The following TOX3 variants were observed in gnomAD, a reference collection of about 807,000 sequenced individuals.
The protein encoded by TOX3 is TOX high mobility group box family member 3, also known as CAG trinucleotide repeat-containing gene F9 protein.
A neutral mutation model predicts 64.3 loss-of-function variants in TOX3; 22 were observed. That is an observed-to-expected ratio of 0.34 (90% confidence interval 0.24 to 0.49). The LOEUF (loss-of-function observed/expected upper bound fraction) is 0.49. TOX3 is among the 20% of genes least tolerant of loss of function. The pLI is 0.99. For synonymous variants in TOX3, 291 were observed against 273.6 expected (o/e 1.06, Z -0.63); for missense variants, 661 against 714.4 (o/e 0.93, Z 0.85).
intron 3 of TOX3, among the ~76,000 whole-genome samples, chr16:52,456,755 C>G (rs949902798): frequency 2.0e-5 from 3 of 152,272 alleles, no homozygotes; most frequent in Admixed American, 1.3e-4. Flanking sequence ...AAATTAAAAT[C>G]ACTCATGGCC....
intron 1 of TOX3, among the ~76,000 whole-genome samples, chr16:52,507,235 A>G (rs774965128): frequency 1.3e-5 from 2 of 152,232 alleles, no homozygotes; most frequent in Non-Finnish European, 2.9e-5. Flanking sequence ...GTATCACAGC[A>G]AACAAGGAGA....
At chr16:52,505,999 A>G (rs1271417062) in intron 1 of TOX3, among the ~76,000 whole-genome samples, 1 of 152,140 alleles carries the variant, frequency 6.6e-6, no homozygotes, top group African/African-American at 2.4e-5. Context: ...AATTTCTCGG[A>G]AAGTCTTAAT....
chr16:52,451,325 A>G (rs1248859307), intron 3 of TOX3, among the ~76,000 whole-genome samples: 3 of 152,178 alleles, frequency 2.0e-5, no homozygotes, highest in Non-Finnish European at 4.4e-5. Context: ...ATAAATACGT[A>G]AAAAAAGATG....
intron 1 of TOX3, among the ~76,000 whole-genome samples, chr16:52,520,745 A>T (rs879796541): frequency 6.6e-6 from 1 of 152,206 alleles, no homozygotes; most frequent in Non-Finnish European, 1.5e-5. Flanking sequence ...AAAGATAAAT[A>T]CAGGAAAAAA....
chr16:52,523,652 T>C (rs1962662150), intron 1 of TOX3, among the ~76,000 whole-genome samples: 1 of 152,160 alleles, frequency 6.6e-6, no homozygotes. Context: ...AGTTTATTTA[T>C]GGGGATTTAT....
rs892204132 is a variant in TOX3, at chr16:52,439,734, G to C, written c.1222C>G (p.Pro408Ala). 1.2e-6 allele frequency: 2 copies of C among 1,613,982 alleles called. No homozygotes were observed. Among genetic ancestry groups the C allele is most frequent in the Admixed American group, 1.7e-5 (1 of 60,024 alleles). The change falls in exon 7 of 7, where the codon CCC becomes GCC. Residue 408 changes from proline to alanine, a missense_variant. Physicochemically the swap from Pro to Ala is conservative, Grantham distance 27. Transcript: ENST00000219746. Reference protein sequence around the residue: ...VTSVTIAANMPSNIGAPLISS... With the variant: ...VTSVTIAANMASNIGAPLISS... The stretch of plus-strand genomic sequence containing the variant: ...ATCAGTGGAGCCCCAATGTTCGAGG[G>C]CATGTTGGCTGCAATGGTGACTGAT...
At chr16:52,529,596 G>A (rs1052918992) in intron 1 of TOX3, among the ~76,000 whole-genome samples, 1 of 152,206 alleles carries the variant, frequency 6.6e-6, no homozygotes, top group Non-Finnish European at 1.5e-5. Flanking sequence ...TAGATGGCCA[G>A]CACACAGGAA....
At chr16:52,531,821 C>G (rs941137040) in intron 1 of TOX3, among the ~76,000 whole-genome samples, 2 of 152,012 alleles carry the variant, frequency 1.3e-5, no homozygotes, top group African/African-American at 4.8e-5. Flanking sequence ...GAAAAGATGA[C>G]AAGCAGGGAG....
intron 1 of TOX3, among the ~76,000 whole-genome samples, chr16:52,498,121 A>C (rs1218035837): frequency 6.6e-6 from 1 of 152,206 alleles, no homozygotes; most frequent in Admixed American, 6.5e-5. Context: ...AGCTGCTCTC[A>C]ATGTATATGA....
At chr16:52,449,207 A>G (rs377445010) in intron 4 of TOX3, among the ~76,000 whole-genome samples, 2 of 152,314 alleles carry the variant, frequency 1.3e-5, no homozygotes, top group East Asian at 3.9e-4. Context: ...TACTTATGCC[A>G]TTCCTCGATG....
intron 3 of TOX3, among the ~76,000 whole-genome samples, chr16:52,462,944 T>C (rs1596792556): frequency 6.6e-6 from 1 of 151,968 alleles, no homozygotes; most frequent in South Asian, 2.1e-4. Flanking sequence ...GGGAAAGCAA[T>C]CTTATATTTC....
chr16:52,440,749 TTTC>T (rs200321293), intron 6 of TOX3, among the ~76,000 whole-genome samples: 11,007 of 121,474 alleles, frequency 0.091, 1,676 homozygotes, highest in East Asian at 0.17. Flanking sequence ...TTTTTCTTTC[TTTC>T]TTTTTTTTTT....
intron 1 of TOX3, among the ~76,000 whole-genome samples, chr16:52,485,853 G>A (rs45469593): frequency 1.3e-5 from 2 of 152,094 alleles, no homozygotes; most frequent in Non-Finnish European, 2.9e-5. Flanking sequence ...TGTTTTCCCT[G>A]GACTTGATGA....
At chr16:52,479,744 C>T (rs1314854907) in intron 1 of TOX3, among the ~76,000 whole-genome samples, 2 of 152,176 alleles carry the variant, frequency 1.3e-5, no homozygotes, top group East Asian at 3.9e-4. Flanking sequence ...GCTTCTATTA[C>T]TAGCAGTATC....
intron 1 of TOX3, among the ~76,000 whole-genome samples, chr16:52,487,314 A>AG (rs1306593453): frequency 6.6e-6 from 1 of 151,600 alleles, no homozygotes; most frequent in East Asian, 1.9e-4. Context: ...GGAAAAAAAA[A>AG]AAAGAAAGAG....
chr16:52,506,595 C>T (rs1403020483), intron 1 of TOX3, among the ~76,000 whole-genome samples: 1 of 152,010 alleles, frequency 6.6e-6, no homozygotes, highest in African/African-American at 2.4e-5. Context: ...GGAAGCCAGC[C>T]CCCTACCATA....
chr16:52,521,891 G>GT (rs1223533118), intron 1 of TOX3, among the ~76,000 whole-genome samples: 2 of 152,176 alleles, frequency 1.3e-5, no homozygotes, highest in Non-Finnish European at 2.9e-5. Flanking sequence ...AAGCCTGTGG[G>GT]TAACGAGCAC....
At chr16:52,458,440 T>C (rs922715641) in intron 3 of TOX3, among the ~76,000 whole-genome samples, 4 of 152,192 alleles carry the variant, frequency 2.6e-5, no homozygotes, top group African/African-American at 9.7e-5. Flanking sequence ...AGCCATCATG[T>C]CAGTCTTATG....
At chr16:52,458,426 T>C (rs1960587482) in intron 3 of TOX3, among the ~76,000 whole-genome samples, 1 of 152,124 alleles carries the variant, frequency 6.6e-6, no homozygotes, top group Admixed American at 6.5e-5. Flanking sequence ...CCAAAAAATA[T>C]TTGAGCCATC....
Sources: gnomAD v4.1 joint callset for allele counts (sites outside exome capture counted in the v4.1 genomes callset) on GRCh38, gnomAD v4.1.1 for gene constraint, MANE v1.5 for transcripts, NCBI Gene and HGNC (gene_info 2026-07-23, HGNC 2026-07-21) for gene names.